TACR1: variants seen among roughly 807,000 people sequenced by gnomAD.
TACR1 encodes the protein substance-P receptor.
Under a neutral mutation model 35.8 loss-of-function variants are expected in TACR1, and 25 were observed. The ratio of observed to expected loss-of-function variants is 0.70; its 90% CI spans 0.51 to 0.98. The LOEUF (loss-of-function observed/expected upper bound fraction) is 0.98, where lower values mean the gene tolerates loss of function less well. TACR1 is among the 50% of genes least tolerant of loss of function. TACR1 has a pLI of 0.00. For missense variants in TACR1, 478 were observed against 522.9 expected (o/e 0.91, Z 0.84); for synonymous variants, 195 against 206.7 (o/e 0.94, Z 0.48).
chr2:75,168,227 G>C (rs760222449), intron 1 of TACR1, among the ~76,000 whole-genome samples: 1 of 152,160 alleles, frequency 6.6e-6, no homozygotes, highest in Non-Finnish European at 1.5e-5. Context: ...TAATGGGATA[G>C]GCAGAATAGT....
At chr2:75,163,562 A>T (rs544209887) in intron 1 of TACR1, among the ~76,000 whole-genome samples, 7 of 152,352 alleles carry the variant, frequency 4.6e-5, no homozygotes, top group African/African-American at 1.2e-4. Context: ...GTACCTCTTT[A>T]TCAGATAAAT....
intron 1 of TACR1, among the ~76,000 whole-genome samples, chr2:75,160,434 A>G (rs1674978408): frequency 6.6e-6 from 1 of 152,122 alleles, no homozygotes. Flanking sequence ...TTGGACTTTA[A>G]AAGCTATTCA....
chr2:75,119,253 G>A (rs966070059), intron 2 of TACR1, among the ~76,000 whole-genome samples: 5 of 152,202 alleles, frequency 3.3e-5, no homozygotes, highest in Admixed American at 1.3e-4. Context: ...AGCTTACAAG[G>A]TGAGAATACA....
intron 1 of TACR1, among the ~76,000 whole-genome samples, chr2:75,175,071 T>C (rs1401728472): frequency 6.6e-6 from 1 of 152,234 alleles, no homozygotes. Flanking sequence ...TCTTTGACAC[T>C]GTTTCTAGCT....
intron 1 of TACR1, among the ~76,000 whole-genome samples, chr2:75,131,500 T>C (rs916628185): frequency 2.0e-5 from 3 of 152,160 alleles, no homozygotes; most frequent in Non-Finnish European, 4.4e-5. Flanking sequence ...AATTCAGCAG[T>C]GAAGATTAAT....
intron 1 of TACR1, among the ~76,000 whole-genome samples, chr2:75,196,875 G>A (rs549139236): frequency 1.4e-4 from 22 of 152,218 alleles, no homozygotes; most frequent in South Asian, 1.2e-3. Context: ...TCTAATTTAG[G>A]GGGCATCAAG....
At chr2:75,115,102 TG>T (rs1276037992) in intron 2 of TACR1, among the ~76,000 whole-genome samples, 6 of 151,928 alleles carry the variant, frequency 3.9e-5, no homozygotes, top group African/African-American at 1.4e-4. Flanking sequence ...TGTGTGTGTG[TG>T]TGTGTGTGTG....
intron 4 of TACR1, chr2:75,050,960 T>C (rs1672451832): frequency 2.4e-6 from 1 of 422,578 alleles, no homozygotes; most frequent in South Asian, 2.3e-5. Context: ...CCACAGAAGT[T>C]TTTAATTCCC....
At chr2:75,186,733 G>C (rs938961152) in intron 1 of TACR1, 12 of 151,490 alleles carry the variant, frequency 7.9e-5, no homozygotes, top group Non-Finnish European at 1.5e-4. Context: ...TGCTTAATCA[G>C]AATGTTAGTA....
chr2:75,121,472 A>G (rs1369938952), intron 1 of TACR1, among the ~76,000 whole-genome samples: 2 of 152,200 alleles, frequency 1.3e-5, no homozygotes, highest in Non-Finnish European at 2.9e-5. Context: ...AGCACAGCAA[A>G]TGATGACTTC....
At chr2:75,193,390 A>T (rs547797061) in intron 1 of TACR1, among the ~76,000 whole-genome samples, 3 of 152,308 alleles carry the variant, frequency 2.0e-5, no homozygotes, top group South Asian at 4.1e-4. Flanking sequence ...TTCTCTGCTG[A>T]TATTGTCTCT....
chr2:75,063,364 A>G (rs1420208337), intron 2 of TACR1, among the ~76,000 whole-genome samples: 2 of 152,144 alleles, frequency 1.3e-5, no homozygotes, highest in African/African-American at 2.4e-5. Context: ...CTATTGTGTT[A>G]TACTTAGAAG....
At chr2:75,122,594 G>A (rs183743124) in intron 1 of TACR1, among the ~76,000 whole-genome samples, 1 of 152,246 alleles carries the variant, frequency 6.6e-6, no homozygotes, top group East Asian at 1.9e-4. Context: ...AAGTGGGTAG[G>A]TGGTCTTAAA....
At chr2:75,131,988 G>C (rs1415273616) in intron 1 of TACR1, among the ~76,000 whole-genome samples, 1 of 152,100 alleles carries the variant, frequency 6.6e-6, no homozygotes, top group Non-Finnish European at 1.5e-5. Flanking sequence ...AAACAAAAAA[G>C]ACATTGAAAT....
Position 75,116,849 on chromosome 2 carries a change from G to C in TACR1, c.584+3725C>G, listed in dbSNP as rs181883137. On this transcript the variant is annotated intron_variant, in intron 2 of 4. Transcript: ENST00000305249. ...CACTTGAACCCAGGAGGCGGAGGTT[G>C]CACTGAGCTGAGATAGTGCCATTGC... Among the ~76,000 whole-genome samples, 261 of 152,184 alleles carry C rather than the reference G, an allele frequency of 1.7e-3. 3 individuals carry two copies. Among genetic ancestry groups the C allele is most frequent in the African/African-American group, 5.8e-3 (240 of 41,530 alleles).
In TACR1 at chr2:75,120,735, C is replaced by T; in HGVS notation, c.423G>A (p.Arg141=). The T allele has an allele frequency of 6.2e-7, 1 of 1,613,402 alleles. No individual in the cohort carries two copies. Among genetic ancestry groups the T allele is most frequent in the Non-Finnish European group, 8.5e-7 (1 of 1,179,828 alleles). Residue 141 remains arginine (R), a synonymous_variant, in exon 2 of 5, where the codon CGG becomes CGA. Transcript: ENST00000305249. The part of the protein sequence containing the change: ...YMAIIHPLQP[R]LSATATKVVI... ...CCACTTTGGTGGCTGTGGCTGACAG[C>T]CGGGGCTGGAGGGGATGTATGATGG...
chr2:75,186,662 C>T (rs1384225679), intron 1 of TACR1, among the ~76,000 whole-genome samples: 1 of 149,870 alleles, frequency 6.7e-6, no homozygotes, highest in Non-Finnish European at 1.5e-5. Context: ...AAAAAGGTGG[C>T]TTAAGTTCTT....
At chr2:75,067,089 G>A (rs1419519643) in intron 2 of TACR1, among the ~76,000 whole-genome samples, 2 of 152,208 alleles carry the variant, frequency 1.3e-5, no homozygotes, top group African/African-American at 2.4e-5. Context: ...GAGAGGGTCC[G>A]AGGGGAGCAG....
chr2:75,165,371 G>A (rs1379841635), intron 1 of TACR1, among the ~76,000 whole-genome samples: 2 of 151,886 alleles, frequency 1.3e-5, no homozygotes, highest in South Asian at 2.1e-4. Context: ...GTGCAGTGGC[G>A]CGATCTCGGC....
Sources: gnomAD v4.1 joint callset for allele counts (sites outside exome capture counted in the v4.1 genomes callset) on GRCh38, gnomAD v4.1.1 for gene constraint, MANE v1.5 for transcripts, NCBI Gene and HGNC (gene_info 2026-07-23, HGNC 2026-07-21) for gene names.